The following DOCK2 variants were observed in gnomAD, a reference collection of about 807,000 sequenced individuals.
DOCK2 encodes dedicator of cytokinesis protein 2.
DOCK2 carries 87 observed loss-of-function variants against 248.9 expected under a neutral mutation model. The ratio of observed to expected loss-of-function variants is 0.35; its 90% CI spans 0.29 to 0.42. The LOEUF (loss-of-function observed/expected upper bound fraction) is 0.42, where lower values mean the gene tolerates loss of function less well. Among genes scored for constraint, DOCK2 ranks in the 10% least tolerant of loss-of-function variants. The pLI is 1.00. For synonymous variants in DOCK2, 805 were observed against 821.6 expected (o/e 0.98, Z 0.35); for missense variants, 1,747 against 2,300.2 (o/e 0.76, Z 4.92).
At chr5:169,813,142 C>A (rs1486435585) in intron 26 of DOCK2, among the ~76,000 whole-genome samples, 2 of 152,224 alleles carry the variant, frequency 1.3e-5, no homozygotes, top group Non-Finnish European at 2.9e-5. Context: ...CTGGCTCTTT[C>A]CAGCTCACAA....
rs548049725 is a variant in DOCK2 at position 170,081,725 on chromosome 5, C to T, written c.5288-117C>T. On this transcript the variant is annotated intron_variant, in intron 50 of 51. Transcript: ENST00000520908. ...CATCCTGCCTCCTGCTTGGCACATACAATGTGTGATCCCTGGATGCTGGCT... is the reference window on the plus strand; with the variant it reads ...CATCCTGCCTCCTGCTTGGCACATATAATGTGTGATCCCTGGATGCTGGCT... 7.0e-5 allele frequency: 84 copies of T among 1,199,432 alleles called. No individual in the cohort carries two copies. The African/African-American group carries it at 1.3e-3, about 18-fold the overall frequency. 74.3% of individuals were successfully genotyped at this position (1,199,432 alleles called of 1,614,324 possible). A position where few individuals can be genotyped will look rare whatever the true frequency, so the allele number is the denominator to read the frequency against.
At chr5:170,076,390 A>G (rs1757843535) in intron 47 of DOCK2, among the ~76,000 whole-genome samples, 1 of 152,224 alleles carries the variant, frequency 6.6e-6, no homozygotes, top group South Asian at 2.1e-4. Flanking sequence ...TGATTCAAGC[A>G]CTTGACATCT....
At chr5:169,999,162 T>A (rs966570828) in intron 30 of DOCK2, among the ~76,000 whole-genome samples, 1 of 152,222 alleles carries the variant, frequency 6.6e-6, no homozygotes, top group East Asian at 1.9e-4. Context: ...TAGGTTTATA[T>A]CCTGTTTTCC....
chr5:169,679,121 T>C (rs371011044), intron 6 of DOCK2, among the ~76,000 whole-genome samples: 2 of 152,084 alleles, frequency 1.3e-5, no homozygotes, highest in East Asian at 3.9e-4. Flanking sequence ...CTCACTACAG[T>C]CTCCTTCTCC....
chr5:170,056,036 T>C (rs1445271134), intron 42 of DOCK2, among the ~76,000 whole-genome samples: 1 of 152,082 alleles, frequency 6.6e-6, no homozygotes, highest in Non-Finnish European at 1.5e-5. Flanking sequence ...TTAGAGTAGG[T>C]CCTCCCCTCT....
intron 23 of DOCK2, among the ~76,000 whole-genome samples, chr5:169,750,434 T>C (rs2113699811): frequency 6.6e-6 from 1 of 152,364 alleles, no homozygotes; most frequent in Middle Eastern, 3.4e-3. Context: ...AACTTCTCAA[T>C]GCCTCAGTTT....
chr5:169,715,967 T>C (rs937464523), intron 19 of DOCK2, among the ~76,000 whole-genome samples: 3 of 152,244 alleles, frequency 2.0e-5, no homozygotes, highest in African/African-American at 4.8e-5. Context: ...GTTTGCACTT[T>C]AGTCCAGCTG....
At chr5:169,736,605 T>G (rs77805273) in intron 22 of DOCK2, among the ~76,000 whole-genome samples, 9,820 of 152,308 alleles carry the variant, frequency 0.064, 319 homozygotes, top group South Asian at 0.12. Context: ...GGAAGGCATC[T>G]GTGGGTTTCT....
intron 22 of DOCK2, among the ~76,000 whole-genome samples, chr5:169,724,536 G>T (rs78908126): frequency 0.052 from 7,862 of 152,032 alleles, 301 homozygotes; most frequent in African/African-American, 0.11. Flanking sequence ...ACCCCCGAGA[G>T]CCGAGAAAGC....
intron 36 of DOCK2, among the ~76,000 whole-genome samples, chr5:170,039,212 T>C (rs1416050054): frequency 6.6e-6 from 1 of 152,124 alleles, no homozygotes; most frequent in Non-Finnish European, 1.5e-5. Context: ...AACAAATGTT[T>C]CTGCCTGGGA....
chr5:169,761,576 A>C lies in DOCK2; in HGVS notation c.2505A>C (p.Lys835Asn). 1 of 1,614,136 alleles carries C rather than the reference A, an allele frequency of 6.2e-7. No homozygotes were observed. Among genetic ancestry groups the C allele is most frequent in the Non-Finnish European group, 8.5e-7 (1 of 1,179,972 alleles). Reference sequence around the variant, plus strand: ...CTCCTGTGAAACTCCAGAAGCAGAAAGTACAGTCTATGAATGAGATAGTCC... The same window carrying C: ...CTCCTGTGAAACTCCAGAAGCAGAACGTACAGTCTATGAATGAGATAGTCC... ...CIPPVKLQKQ[K>N]VQSMNEIVQS... Residue 835 changes from lysine to asparagine, a missense_variant, in exon 25 of 52, where the codon AAA becomes AAC. Lys to Asn is a moderately conservative substitution (Grantham distance 94, BLOSUM62 0). This residue lies in a region of DOCK2 where 858 missense variants were observed against 1,183.5 expected (regional missense o/e 0.72). Coordinates refer to ENST00000520908, the MANE Select transcript of DOCK2 (RefSeq NM_004946.3).
chr5:169,856,145 G>T, intron 27 of DOCK2, among the ~76,000 whole-genome samples: 1 of 152,208 alleles, frequency 6.6e-6, no homozygotes, highest in Admixed American at 6.5e-5. Context: ...CAACATCTGG[G>T]GATTACAACT....
At chr5:169,855,912 A>G (rs1770866489) in intron 27 of DOCK2, among the ~76,000 whole-genome samples, 1 of 152,208 alleles carries the variant, frequency 6.6e-6, no homozygotes, top group Non-Finnish European at 1.5e-5. Context: ...TCACAGTTCC[A>G]TGTGGCTGGG....
intron 44 of DOCK2, among the ~76,000 whole-genome samples, chr5:170,064,377 T>G (rs1028186576): frequency 1.1e-4 from 17 of 151,844 alleles, no homozygotes; most frequent in Admixed American, 8.5e-4. Context: ...AGGAGAGCAA[T>G]GCAAGAACAA....
intron 1 of DOCK2, among the ~76,000 whole-genome samples, chr5:169,652,268 G>A (rs1231630464): frequency 3.3e-5 from 5 of 152,244 alleles, no homozygotes; most frequent in Non-Finnish European, 2.9e-5. Flanking sequence ...TTGGGTGCCA[G>A]CCTTCACTGC....
chr5:169,715,146 T>A (rs756505795), intron 19 of DOCK2, among the ~76,000 whole-genome samples: 2 of 152,136 alleles, frequency 1.3e-5, no homozygotes, highest in Admixed American at 6.5e-5. Flanking sequence ...ACAATGCAAA[T>A]GTCAGATGTA....
At chr5:170,061,716 T>G (rs1034414622) in intron 44 of DOCK2, among the ~76,000 whole-genome samples, 2 of 152,238 alleles carry the variant, frequency 1.3e-5, no homozygotes, top group Non-Finnish European at 2.9e-5. Context: ...AAAAATAGTT[T>G]CAAAAGCAAG....
At chr5:169,643,704 G>T (rs140029514) in intron 1 of DOCK2, among the ~76,000 whole-genome samples, 1 of 152,276 alleles carries the variant, frequency 6.6e-6, no homozygotes, top group Non-Finnish European at 1.5e-5. Flanking sequence ...CTGTTCTAGG[G>T]CACTCAGTTC....
chr5:170,055,424 G>A (rs780421488), intron 42 of DOCK2, 38 bp downstream of exon 42: 43 of 1,597,950 alleles, frequency 2.7e-5, no homozygotes, highest in Non-Finnish European at 3.4e-5. Flanking sequence ...GGATGGGGAA[G>A]AGAACCCATT....
Sources: allele counts gnomAD v4.1 joint callset (sites outside exome capture counted in the v4.1 genomes callset), GRCh38; gene constraint gnomAD v4.1.1; regional missense constraint gnomAD v4.1.1; transcripts MANE v1.5; gene names NCBI Gene and HGNC (gene_info 2026-07-23, HGNC 2026-07-21).